UROC1: variants seen among roughly 807,000 people sequenced by gnomAD.
The protein encoded by UROC1 is urocanate hydratase.
Under a neutral mutation model 89.5 loss-of-function variants are expected in UROC1, and 79 were observed. That is an observed-to-expected ratio of 0.88 (90% CI 0.74 to 1.06). The LOEUF (loss-of-function observed/expected upper bound fraction) is 1.06. Among genes scored for constraint, UROC1 ranks in the 50% least tolerant of loss-of-function variants. The pLI is 0.00. For synonymous variants in UROC1, 361 were observed against 354.8 expected (o/e 1.02, Z -0.20); for missense variants, 885 against 907.8 (o/e 0.97, Z 0.32).
At chr3:126,510,559 T>A in intron 2 of UROC1, 105 bp downstream of exon 2, 1 of 1,533,516 alleles carries the variant, frequency 6.5e-7, no homozygotes, top group Non-Finnish European at 8.8e-7. Context: ...AGACTGGGTT[T>A]CCCCCTCACT....
chr3:126,510,889 G>T, intron 1 of UROC1, 95 bp from the exon 2 acceptor site: 8 of 1,521,208 alleles, frequency 5.3e-6, no homozygotes, highest in Non-Finnish European at 7.0e-6. Context: ...AAATGGATTT[G>T]TCTCTGCTCC....
At chr3:126,509,078 T>G (rs1251105126) in intron 3 of UROC1, among the ~76,000 whole-genome samples, 4 of 151,814 alleles carry the variant, frequency 2.6e-5, no homozygotes, top group African/African-American at 9.7e-5. Context: ...GTTAAAATAA[T>G]AATATTTTGG....
chr3:126,489,460 C>A (rs895164329), intron 16 of UROC1, 85 bp from the exon 17 acceptor site: 13 of 1,056,118 alleles, frequency 1.2e-5, no homozygotes, highest in Admixed American at 8.5e-5. Flanking sequence ...GCAGGTCACA[C>A]CAGAACCCGC....
In UROC1 at chr3:126,488,228, A is replaced by C; in HGVS notation, c.1760T>G (p.Val587Gly). The C allele has an allele frequency of 6.2e-7, 1 of 1,614,190 alleles. No homozygotes were observed. The highest frequency in any genetic ancestry group is 8.5e-7 in the Non-Finnish European group (1 of 1,180,032). Residue 587 changes from valine (V) to glycine (G), a missense_variant, in exon 18 of 20, where the codon GTC (valine) becomes GGC (glycine). Coordinates refer to ENST00000290868, the MANE Select transcript of UROC1 (RefSeq NM_144639.3). ...VGDACRGATW[V>G]ALHNGGGVGW... is the part of the protein sequence containing the mutation. ...CACGCCCCCTCCGTTGTGAAGGGCG[A>C]CCCAGGTGGCTCCGCGACAGGCATC...
intron 3 of UROC1, 73 bp from the exon 4 acceptor site, chr3:126,508,548 G>T: frequency 7.5e-7 from 1 of 1,334,322 alleles, no homozygotes; most frequent in South Asian, 1.2e-5. Flanking sequence ...GGGAGAGAAA[G>T]GGCCCCCATC....
At chr3:126,495,020 G>A (rs1346844982) in intron 15 of UROC1, among the ~76,000 whole-genome samples, 2 of 152,140 alleles carry the variant, frequency 1.3e-5, no homozygotes, top group Admixed American at 1.3e-4. Flanking sequence ...CTCACCCCAG[G>A]TCACACAGCT....
chr3:126,491,563 G>T (rs1248960910), intron 16 of UROC1, among the ~76,000 whole-genome samples: 1 of 152,236 alleles, frequency 6.6e-6, no homozygotes, highest in African/African-American at 2.4e-5. Flanking sequence ...TTTGCTGCCG[G>T]TGCCAGCCCC....
At chr3:126,501,488 C>A (rs531727869) in intron 9 of UROC1, among the ~76,000 whole-genome samples, 1 of 152,318 alleles carries the variant, frequency 6.6e-6, no homozygotes, top group East Asian at 1.9e-4. Context: ...AGGGAAAATC[C>A]AGACCCAAAT....
Position 126,503,096 on chromosome 3 carries a change from G to A in UROC1, c.902+899C>T, listed in dbSNP as rs569357973. Among the ~76,000 whole-genome samples the A allele has an allele frequency of 2.2e-4, 34 of 152,318 alleles. No individual in the cohort carries two copies. The South Asian group carries it at 6.2e-3, about 28-fold the overall frequency. On this transcript the variant is annotated intron_variant, in intron 9 of 19. Transcript: ENST00000290868. Reference sequence around the variant, plus strand: ...CTAAACAGCCTGAATAGGGATGGGAGTTAGGTCGGGGAAGCCCCTCACAGC... The same window carrying A: ...CTAAACAGCCTGAATAGGGATGGGAATTAGGTCGGGGAAGCCCCTCACAGC...
intron 18 of UROC1, among the ~76,000 whole-genome samples, chr3:126,486,188 A>T (rs1560114983): frequency 6.6e-6 from 1 of 152,256 alleles, no homozygotes; most frequent in Non-Finnish European, 1.5e-5. Context: ...GGGCTCCCAG[A>T]TGCCCACCCA....
rs758863400 is a variant in UROC1, at chr3:126,517,669, T to C, written c.51A>G (p.Pro17=). 4 of 1,606,564 alleles carry C rather than the reference T, an allele frequency of 2.5e-6. No homozygotes were observed. The highest frequency in any genetic ancestry group is 1.7e-6 in the Non-Finnish European group (2 of 1,177,348). The change falls in exon 1 of 20, where the codon CCA becomes CCG. Residue 17 remains proline (P), a synonymous_variant. Transcript: ENST00000290868. Reference sequence around the variant, plus strand: ...CCCCAGCCTGGCGTCCCCGGTTCTCTGGGAGGGGCCGCAGGGGCAGGCCAG... The same window carrying C: ...CCCCAGCCTGGCGTCCCCGGTTCTCCGGGAGGGGCCGCAGGGGCAGGCCAG... ...LCSGLPLRPL[P]ENRGRQAGVP...
intron 18 of UROC1, among the ~76,000 whole-genome samples, chr3:126,486,879 G>A (rs1452537344): frequency 6.6e-6 from 1 of 152,182 alleles, no homozygotes; most frequent in Non-Finnish European, 1.5e-5. Flanking sequence ...TTTTTCCGAT[G>A]GGTTAGATTA....
Position 126,505,820 on chromosome 3 carries a change from G to T in UROC1, c.694C>A (p.Arg232=). 1 of 1,613,810 alleles carries T rather than the reference G, an allele frequency of 6.2e-7. No homozygotes were observed. The highest frequency in any genetic ancestry group is 8.5e-7 in the Non-Finnish European group (1 of 1,180,024). The part of the protein sequence containing the change: ...TVLTVLNAAR[R]YLGIEDLAGK... ...GCCAAGTCCTCGATGCCCAGGTACC[G>T]ACGTGCAGCATTCAACACGGTGAGC... is the stretch of plus-strand genomic sequence containing the variant. The change falls in exon 8 of 20, where the codon CGG becomes AGG. Residue 232 remains arginine, a synonymous_variant. Coordinates refer to ENST00000290868, the MANE Select transcript of UROC1 (RefSeq NM_144639.3).
rs564101577 is a variant in UROC1, at chr3:126,509,566, C to G, written c.351+19G>C. ...GTTTCTGCTGGACAGTGCTGGGCCT[C>G]GGTTTCCCTGGCTATTACCTGGGCC... is the stretch of plus-strand genomic sequence containing the variant. On this transcript the variant is annotated intron_variant, in intron 3 of 19. Transcript: ENST00000290868. 2 of 1,548,406 alleles carry G rather than the reference C, an allele frequency of 1.3e-6. No homozygotes were observed. Among genetic ancestry groups the G allele is most frequent in the East Asian group, 4.9e-5 (2 of 40,910 alleles).
At chr3:126,495,771 G>A (rs1935761140) in intron 15 of UROC1, among the ~76,000 whole-genome samples, 1 of 152,200 alleles carries the variant, frequency 6.6e-6, no homozygotes, top group Non-Finnish European at 1.5e-5. Flanking sequence ...ATGCACAAGG[G>A]TTCCAAATTC....
In UROC1 at chr3:126,506,017, C is replaced by A; in HGVS notation, c.603-6G>T. The A allele has an allele frequency of 6.2e-7, 1 of 1,613,404 alleles. No individual in the cohort carries two copies. Among genetic ancestry groups the A allele is most frequent in the Non-Finnish European group, 8.5e-7 (1 of 1,180,038 alleles). ...CTGCTGTCATCTGGCCGTACCTGAC[C>A]ACAGGGAGAGAAGCCAAGCCCAGGG... On this transcript the variant is annotated splice_region_variant and splice_polypyrimidine_tract_variant and intron_variant, in intron 6 of 19. Coordinates refer to ENST00000290868, the MANE Select transcript of UROC1 (RefSeq NM_144639.3).
At chr3:126,506,930 C>A (rs1409007692) in intron 6 of UROC1, among the ~76,000 whole-genome samples, 1 of 152,014 alleles carries the variant, frequency 6.6e-6, no homozygotes. Context: ...ATACAAAAAA[C>A]TAGCTGGCCG....
chr3:126,504,756 G>C (rs554473405), intron 8 of UROC1, among the ~76,000 whole-genome samples: 2 of 152,142 alleles, frequency 1.3e-5, no homozygotes, highest in Non-Finnish European at 2.9e-5. Context: ...GGCACATATC[G>C]CCAAGCCTTG....
At position 126,517,666 on chromosome 3, in the gene UROC1, C is replaced by G; in HGVS notation, c.54G>C (p.Glu18Asp). The change falls in exon 1 of 20, where the codon GAG becomes GAC. Residue 18 changes from glutamate (E) to aspartate (D), a missense_variant. Physicochemically the swap from Glu to Asp is conservative, Grantham distance 45. Transcript: ENST00000290868. ...GCACCCCAGCCTGGCGTCCCCGGTTCTCTGGGAGGGGCCGCAGGGGCAGGC... is the reference window on the plus strand; with the variant it reads ...GCACCCCAGCCTGGCGTCCCCGGTTGTCTGGGAGGGGCCGCAGGGGCAGGC... Reference protein sequence around the residue: ...CSGLPLRPLPENRGRQAGVPH... With the variant: ...CSGLPLRPLPDNRGRQAGVPH... 1 of 1,607,700 alleles carries G rather than the reference C, an allele frequency of 6.2e-7. No homozygotes were observed. The highest frequency in any genetic ancestry group is 8.5e-7 in the Non-Finnish European group (1 of 1,177,814).
Sources: gnomAD v4.1 joint callset for allele counts (sites outside exome capture counted in the v4.1 genomes callset) on GRCh38, gnomAD v4.1.1 for gene constraint, MANE v1.5 for transcripts, NCBI Gene and HGNC (gene_info 2026-07-23, HGNC 2026-07-21) for gene names.